Variants in FMO5 observed in about 807,000 individuals in gnomAD.
FMO5 encodes flavin containing dimethylaniline monoxygenase 5, also known as flavin-containing monooxygenase 5.
Under a neutral mutation model 43.6 loss-of-function variants are expected in FMO5, and 51 were observed. The ratio of observed to expected loss-of-function variants is 1.17; its 90% CI spans 0.93 to 1.48. The LOEUF (loss-of-function observed/expected upper bound fraction) is 1.48. Ranked by LOEUF, FMO5 falls within the 40% of genes most tolerant of loss-of-function variation. The probability of loss-of-function intolerance (pLI) is 0.00; values close to 1 mark genes in which losing one functional copy is unlikely to be tolerated. For missense variants in FMO5, 644 were observed against 643.0 expected (o/e 1.00, Z -0.02); for synonymous variants, 187 against 216.5 (o/e 0.86, Z 1.20).
At chr1:147,203,226 A>C (rs994648196) in intron 6 of FMO5, 2 of 990,836 alleles carry the variant, frequency 2.0e-6, no homozygotes, top group Non-Finnish European at 3.1e-6. Context: ...GATTCTTAGA[A>C]TACTACTACA....
At chr1:147,186,015 G>A (rs1287673211), downstream of FMO5, among the ~76,000 whole-genome samples, 1 of 152,124 alleles carries the variant, frequency 6.6e-6, no homozygotes, top group African/African-American at 2.4e-5. Flanking sequence ...TCCATGTAAG[G>A]GAGGAGAAAA....
Position 147,189,998 on chromosome 1 carries a change from A to C in FMO5, c.1256+179T>G, listed in dbSNP as rs140270638. Among the ~76,000 whole-genome samples the C allele has an allele frequency of 3.9e-3, 594 of 152,224 alleles. 4 individuals are homozygous for C. The highest frequency in any genetic ancestry group is 0.014 in the African/African-American group (569 of 41,506). ...AAAACTTTTCTCTCTTTTCTTACCC[A>C]TATTTAGACTACTAGTGCTATTTCT... On this transcript the variant is annotated intron_variant, in intron 8 of 8. Transcript: ENST00000254090.
intron 4 of FMO5, 148 bp from the exon 5 acceptor site, chr1:147,212,683 ATT>A: frequency 1.4e-6 from 1 of 724,452 alleles, no homozygotes; most frequent in Non-Finnish European, 2.2e-6. Flanking sequence ...CTTTCTCAGT[ATT>A]TTTGCCTATT....
At chr1:147,191,537 T>C (rs1228441187) in intron 7 of FMO5, among the ~76,000 whole-genome samples, 1 of 95,994 alleles carries the variant, frequency 1.0e-5, no homozygotes, top group African/African-American at 3.2e-5. Flanking sequence ...GGTTGTTTGT[T>C]TTTTTCTTAT....
At chr1:147,184,485 T>C, downstream of FMO5, 1 of 1,519,658 alleles carries the variant, frequency 6.6e-7, no homozygotes, top group Non-Finnish European at 8.8e-7. This position sits in a 1 kb window ranked among gnomAD's most constrained non-coding sequence, Gnocchi z 4.4. Context: ...TACATTACAT[T>C]TAGATGTTAT....
intron 6 of FMO5, among the ~76,000 whole-genome samples, chr1:147,202,192 G>A (rs1303145714): frequency 1.3e-5 from 2 of 151,744 alleles, no homozygotes; most frequent in Non-Finnish European, 2.9e-5. Flanking sequence ...TAGGGACAGC[G>A]TAGGATACGG....
At chr1:147,208,614 T>A in intron 6 of FMO5, 1 of 353,792 alleles carries the variant, frequency 2.8e-6, no homozygotes. Context: ...TAATTTTGTG[T>A]TTTTAGTAGA....
intron 3 of FMO5, 54 bp from the exon 4 acceptor site, chr1:147,213,524 A>G (rs1286894780): frequency 5.4e-6 from 8 of 1,488,890 alleles, no homozygotes; most frequent in African/African-American, 1.4e-5. Flanking sequence ...CTCTCCTTGC[A>G]TAGTGTTACA....
chr1:147,225,289 C>T lies in FMO5; in HGVS notation c.-40G>A, dbSNP rs1463351529. On this transcript the variant is annotated splice_region_variant and 5_prime_UTR_variant, in exon 1 of 9. Coordinates refer to ENST00000254090, the MANE Select transcript of FMO5 (RefSeq NM_001461.4). ...TCTGCTGCGGTACCGGATCTCACCG[C>T]CTTTCCTGAAGCGCTCAACAGATCC... 4.8e-6 allele frequency: 4 copies of T among 834,558 alleles called. No homozygotes were observed. Among genetic ancestry groups the T allele is most frequent in the Non-Finnish European group, 6.8e-6 (4 of 588,896 alleles). The allele number at this position is 834,558 out of a possible 1,614,324, so 51.7% of individuals were successfully genotyped here.
In FMO5 at chr1:147,204,175, A is replaced by G. The variant is rs1256768032; in HGVS notation, c.831-2671T>C. 2.4e-5 allele frequency: 31 copies of G among 1,317,506 alleles called. No homozygotes were observed. In the Admixed American group the frequency reaches 5.2e-4, roughly 22 times the overall value. 81.6% of individuals were successfully genotyped at this position (1,317,506 alleles called of 1,614,324 possible). A position where few individuals can be genotyped will look rare whatever the true frequency, so the allele number is the denominator to read the frequency against. Reference sequence around the variant, plus strand: ...CAGTCTTTATCAACACTGTTCCCTTAGTTTCTGTTATCATGCCATCAAAAG... The same window carrying G: ...CAGTCTTTATCAACACTGTTCCCTTGGTTTCTGTTATCATGCCATCAAAAG... On this transcript the variant is annotated intron_variant, in intron 6 of 8. Coordinates refer to ENST00000254090, the MANE Select transcript of FMO5 (RefSeq NM_001461.4).
chr1:147,201,013 A>C lies in FMO5; in HGVS notation c.1183+139T>G, dbSNP rs782590601. 2.1e-5 allele frequency: 14 copies of C among 671,586 alleles called. No homozygotes were observed. The South Asian group carries it at 2.7e-4, about 13-fold the overall frequency. The allele number at this position is 671,586 out of a possible 1,614,324, so 41.6% of individuals were successfully genotyped here. On this transcript the variant is annotated intron_variant, in intron 7 of 8. Coordinates refer to ENST00000254090, the MANE Select transcript of FMO5 (RefSeq NM_001461.4). ...AATTGCTACTTTAGATTCACTCAAA[A>C]ATATATTTTTCTGTACTAACTTTGT...
At chr1:147,219,124 A>G (rs1662549873) in intron 2 of FMO5, among the ~76,000 whole-genome samples, 1 of 152,176 alleles carries the variant, frequency 6.6e-6, no homozygotes, top group Non-Finnish European at 1.5e-5. Context: ...TTGAATTTGG[A>G]GACACCAAAA....
chr1:147,186,917 T>G lies in FMO5; in HGVS notation c.1585A>C (p.Ile529Leu), dbSNP rs782424053. 1.9e-6 allele frequency: 3 copies of G among 1,613,614 alleles called. No individual in the cohort carries two copies. In the South Asian group the frequency reaches 3.3e-5, roughly 18 times the overall value. The change falls in exon 9 of 9, where the codon ATT becomes CTT. Residue 529 changes from isoleucine to leucine, a missense_variant. Transcript: ENST00000254090. Reference sequence around the variant, plus strand: ...TAGGACAACTAGAAGTAAGCTATAATTATAGCAAAGAAGGCAAGAGCTAGC... The same window carrying G: ...TAGGACAACTAGAAGTAAGCTATAAGTATAGCAAAGAAGGCAAGAGCTAGC... Reference protein sequence around the residue: ...FMLALAFFAIIIAYF With the variant: ...FMLALAFFAILIAYF
At chr1:147,224,090 C>A in intron 2 of FMO5, 1 of 364,972 alleles carries the variant, frequency 2.7e-6, no homozygotes, top group Non-Finnish European at 5.4e-6. Context: ...AATGGGGGTC[C>A]CTTACTGCAT....
intron 3 of FMO5, among the ~76,000 whole-genome samples, chr1:147,214,444 C>G (rs1661596955): frequency 8.0e-6 from 1 of 125,088 alleles, no homozygotes; most frequent in East Asian, 2.3e-4. Context: ...GAGCAAGACT[C>G]TGTCTGAAAA....
rs587698991 is a variant in FMO5 at position 147,191,975 on chromosome 1, G to T, written c.1184-1726C>A. On this transcript the variant is annotated intron_variant, in intron 7 of 8. Transcript: ENST00000254090. ...CTCCAGCTTTGTTCTTTTGGCTTAG[G>T]ATTGACTTGGTGATGCGGGCTCTTT... Among the ~76,000 whole-genome samples the T allele has an allele frequency of 5.5e-4, 84 of 152,162 alleles. 1 individual carries two copies. Among genetic ancestry groups the T allele is most frequent in the African/African-American group, 2.0e-3 (83 of 41,474 alleles).
chr1:147,211,379 T>G (rs1661043584), intron 5 of FMO5: 1 of 152,236 alleles, frequency 6.6e-6, no homozygotes, highest in Non-Finnish European at 1.5e-5. Flanking sequence ...TTTTAATCCT[T>G]GTTTATATGA....
At chr1:147,192,072 A>G (rs1167068897) in intron 7 of FMO5, among the ~76,000 whole-genome samples, 4 of 152,128 alleles carry the variant, frequency 2.6e-5, no homozygotes, top group African/African-American at 9.7e-5. Context: ...CTTGATGCGG[A>G]TGGCATTTAA....
rs587633081 is a variant in FMO5, at chr1:147,193,187, G to T, written c.1184-2938C>A. Among the ~76,000 whole-genome samples, 13 of 152,194 alleles carry T rather than the reference G, an allele frequency of 8.5e-5. No homozygotes were observed. In the South Asian group the frequency reaches 1.0e-3, roughly 12 times the overall value. On this transcript the variant is annotated intron_variant, in intron 7 of 8. Transcript: ENST00000254090. ...TATTGATTATTGCCACAATTTCAGA[G>T]CCTGTTATTGGTCTATTCAGAGATT...
Sources: allele counts gnomAD v4.1 joint callset (sites outside exome capture counted in the v4.1 genomes callset), GRCh38; gene constraint gnomAD v4.1.1; non-coding constraint Gnocchi (gnomAD v3.1); transcripts MANE v1.5; gene names NCBI Gene and HGNC (gene_info 2026-07-23, HGNC 2026-07-21).